The following ESR1 variants were observed in gnomAD, a reference collection of about 807,000 sequenced individuals.
The protein encoded by ESR1 is estrogen receptor.
Under a neutral mutation model 52.7 loss-of-function variants are expected in ESR1, and 12 were observed. The ratio of observed to expected loss-of-function variants is 0.23; its 90% CI spans 0.15 to 0.37. ESR1 has a LOEUF of 0.37. Among genes scored for constraint, ESR1 ranks in the 10% least tolerant of loss-of-function variants. The pLI, the probability that ESR1 is intolerant of heterozygous loss-of-function variation, is 1.00. For missense variants in ESR1, 584 were observed against 779.7 expected (o/e 0.75, Z 2.99); for synonymous variants, 305 against 316.8 (o/e 0.96, Z 0.39).
chr6:151,723,302 C>G (rs1019361753), intron 2 of ESR1, among the ~76,000 whole-genome samples: 1 of 152,150 alleles, frequency 6.6e-6, no homozygotes, highest in Non-Finnish European at 1.5e-5. Context: ...TGATTGATTT[C>G]TCTCTGTTTC....
chr6:151,973,806 A>G lies in ESR1; in HGVS notation c.1096+29298A>G, dbSNP rs560983131. Among the ~76,000 whole-genome samples the G allele has an allele frequency of 2.0e-5, 3 of 152,336 alleles. No homozygotes were observed. The South Asian group carries it at 6.2e-4, about 32-fold the overall frequency. ...TAAATGCTTCCTGAATAGATGCAGGATTGGCAAAACATAGCTCCCCAGCTT... is the reference window on the plus strand; with the variant it reads ...TAAATGCTTCCTGAATAGATGCAGGGTTGGCAAAACATAGCTCCCCAGCTT... On this transcript the variant is annotated intron_variant, in intron 4 of 7. Coordinates refer to ENST00000206249, the MANE Select transcript of ESR1 (RefSeq NM_000125.4).
At chr6:151,689,691 G>A (rs1224272318), upstream of ESR1, among the ~76,000 whole-genome samples, 4 of 152,156 alleles carry the variant, frequency 2.6e-5, no homozygotes, top group Admixed American at 6.5e-5. Flanking sequence ...AGTAGCAAGA[G>A]GGAGATCCTG....
chr6:151,977,963 G>GAAAAAAAAAAAAAAAAAAA (rs5880951), intron 4 of ESR1, among the ~76,000 whole-genome samples: 1 of 118,358 alleles, frequency 8.4e-6, no homozygotes, highest in African/African-American at 3.2e-5. Flanking sequence ...AAAAAAAAAA[G>GAAAAAAAAAAAAAAAAAAA]AAAAAAAAAA....
At chr6:151,698,751 T>C (rs1380357905) in intron 1 of ESR1, among the ~76,000 whole-genome samples, 2 of 152,036 alleles carry the variant, frequency 1.3e-5, no homozygotes, top group Non-Finnish European at 2.9e-5. Context: ...TTACAGTAAA[T>C]CTCAAATGAT....
chr6:151,672,335 ATTTGTAT>A (rs1778092686), intron 1 of ESR1, among the ~76,000 whole-genome samples: 1 of 123,940 alleles, frequency 8.1e-6, no homozygotes. Context: ...ATTTTTTTGT[ATTTGTAT>A]TTTTTTTTTT....
intron 2 of ESR1, among the ~76,000 whole-genome samples, chr6:151,748,210 A>G (rs867431764): frequency 5.3e-5 from 8 of 152,172 alleles, no homozygotes; most frequent in Non-Finnish European, 8.8e-5. Flanking sequence ...GTAAAAGTAA[A>G]ATTGAAACAT....
intron 5 of ESR1, among the ~76,000 whole-genome samples, chr6:152,014,192 C>T (rs1361277640): frequency 6.6e-6 from 1 of 152,110 alleles, no homozygotes; most frequent in African/African-American, 2.4e-5. Context: ...AAACCTTTTT[C>T]TTTGTAAATT....
chr6:151,899,999 C>T (rs1045082359), intron 3 of ESR1, among the ~76,000 whole-genome samples: 23 of 152,152 alleles, frequency 1.5e-4, no homozygotes, highest in Admixed American at 2.6e-4. Flanking sequence ...GGGGTGGCCC[C>T]GGGCAGAGGC....
At chr6:152,096,511 G>A (rs1190779833) in intron 7 of ESR1, 1 of 370,536 alleles carries the variant, frequency 2.7e-6, no homozygotes, top group Non-Finnish European at 5.5e-6. Context: ...ACTTACATAT[G>A]GTATATGCCC....
intron 5 of ESR1, 122 bp downstream of exon 5, chr6:152,011,916 C>T (rs542136396): frequency 1.9e-6 from 2 of 1,050,004 alleles, no homozygotes; most frequent in African/African-American, 1.6e-5. Flanking sequence ...GTTTACTTAA[C>T]AAAAGAGTGC....
upstream of ESR1, among the ~76,000 whole-genome samples, chr6:151,689,942 A>G (rs1778836932): frequency 6.6e-6 from 1 of 152,204 alleles, no homozygotes; most frequent in Non-Finnish European, 1.5e-5. Flanking sequence ...TAACCTCATA[A>G]ACTTAAAAAT....
chr6:152,001,149 G>A (rs947283565), intron 4 of ESR1, among the ~76,000 whole-genome samples: 1 of 151,938 alleles, frequency 6.6e-6, no homozygotes, highest in African/African-American at 2.4e-5. Context: ...GGGTGGCCTG[G>A]TGTCTTAGTC....
At chr6:151,857,729 A>C (rs1019334969) in intron 2 of ESR1, among the ~76,000 whole-genome samples, 2 of 151,916 alleles carry the variant, frequency 1.3e-5, no homozygotes, top group Non-Finnish European at 2.9e-5. Flanking sequence ...GGGTTTCACC[A>C]TGTTGGCCAT....
At chr6:151,986,078 T>C (rs761501041) in intron 4 of ESR1, among the ~76,000 whole-genome samples, 1 of 152,162 alleles carries the variant, frequency 6.6e-6, no homozygotes, top group African/African-American at 2.4e-5. Context: ...TGTGTTTTGA[T>C]GTGTGTGGTC....
intron 1 of ESR1, among the ~76,000 whole-genome samples, chr6:151,656,932 T>C (rs1777475489): frequency 6.6e-6 from 1 of 152,186 alleles, no homozygotes; most frequent in Admixed American, 6.5e-5. Flanking sequence ...GGCTGTGGGA[T>C]ATATATGGGC....
chr6:151,710,359 A>C (rs998046339), intron 2 of ESR1, among the ~76,000 whole-genome samples: 1 of 152,102 alleles, frequency 6.6e-6, no homozygotes, highest in African/African-American at 2.4e-5. Context: ...AGATGCTCCA[A>C]CCGTATAAAT....
intron 4 of ESR1, among the ~76,000 whole-genome samples, chr6:151,995,877 T>A (rs2041432449): frequency 6.6e-6 from 1 of 152,170 alleles, no homozygotes; most frequent in African/African-American, 2.4e-5. Flanking sequence ...GATAACCCTA[T>A]GAGGAAAGTG....
intron 6 of ESR1, chr6:152,113,045 C>T (rs1187378452): frequency 1.4e-5 from 2 of 145,028 alleles, no homozygotes; most frequent in Non-Finnish European, 3.0e-5. Flanking sequence ...ATTCTGAGAA[C>T]TGTTTCAGGA....
Position 151,855,193 on chromosome 6 carries a change from C to T in ESR1, c.643+12406C>T, listed in dbSNP as rs548332455. Among the ~76,000 whole-genome samples, 83 of 152,336 alleles carry T rather than the reference C, an allele frequency of 5.4e-4. 1 individual carries two copies. Among genetic ancestry groups the T allele is most frequent in the South Asian group, 1.5e-3 (7 of 4,816 alleles). ...CCTCCCAAAGTGCTGGGATTACAGG[C>T]GTGAGCCACTGTGCCTGGCTCGTTT... On this transcript the variant is annotated intron_variant, in intron 2 of 7. Coordinates refer to ENST00000206249, the MANE Select transcript of ESR1 (RefSeq NM_000125.4).
Sources: allele counts gnomAD v4.1 joint callset (sites outside exome capture counted in the v4.1 genomes callset), GRCh38; gene constraint gnomAD v4.1.1; transcripts MANE v1.5; gene names NCBI Gene and HGNC (gene_info 2026-07-23, HGNC 2026-07-21).